FANCI: variants seen among roughly 807,000 people sequenced by gnomAD.
The protein encoded by FANCI is Fanconi anemia group I protein.
FANCI carries 156 observed loss-of-function variants against 176.1 expected under a neutral mutation model. The ratio of observed to expected loss-of-function variants is 0.89; its 90% CI spans 0.78 to 1.01. The LOEUF is 1.01. Ranked by LOEUF, FANCI falls within the 50% of genes least tolerant of loss-of-function variation. The probability of loss-of-function intolerance (pLI) is 0.00; values close to 1 mark genes in which losing one functional copy is unlikely to be tolerated. For synonymous variants in FANCI, 613 were observed against 541.7 expected, an observed-to-expected ratio of 1.13 and a Z score of -1.83; for missense variants, 1,678 against 1,534.1, an observed-to-expected ratio of 1.09 and a Z score of -1.57.
At chr15:89,317,220 C>G (rs2055301061), downstream of FANCI, 14 of 689,736 alleles carry the variant, frequency 2.0e-5, no homozygotes, top group Non-Finnish European at 3.4e-5. Flanking sequence ...CACATTCACT[C>G]TGGACACAGG....
intron 35 of FANCI, among the ~76,000 whole-genome samples, chr15:89,314,141 CCA>C (rs1176202379): frequency 1.4e-4 from 9 of 63,300 alleles, no homozygotes; most frequent in African/African-American, 2.0e-4. Context: ...AAACGTAGGA[CCA>C]CACACAAAAA....
At chr15:89,268,597 C>T in intron 10 of FANCI, 72 bp downstream of exon 10, 2 of 1,566,466 alleles carry the variant, frequency 1.3e-6, no homozygotes, top group Non-Finnish European at 8.8e-7. Flanking sequence ...CACTGTTATG[C>T]CAGTTAATGA....
intron 34 of FANCI, among the ~76,000 whole-genome samples, chr15:89,310,143 CTT>C (rs1256108335): frequency 1.3e-5 from 2 of 152,196 alleles, no homozygotes; most frequent in Non-Finnish European, 2.9e-5. Context: ...AATTGGCACA[CTT>C]TTTCTGTAAA....
At chr15:89,264,698 G>A (rs1310919790) in intron 9 of FANCI, 91 bp downstream of exon 9, 10 of 1,167,710 alleles carry the variant, frequency 8.6e-6, no homozygotes, top group East Asian at 5.2e-5. Context: ...CTCTCTCACC[G>A]CCTACCTTCA....
At chr15:89,264,409 A>G (rs373703841) in intron 8 of FANCI, 113 bp from the exon 9 acceptor site, 22 of 844,886 alleles carry the variant, frequency 2.6e-5, no homozygotes, top group Non-Finnish European at 9.9e-6. Context: ...TAAGTCATAG[A>G]TTATTTATTT....
chr15:89,250,079 C>T (rs1020791189), intron 2 of FANCI, among the ~76,000 whole-genome samples: 5 of 152,138 alleles, frequency 3.3e-5, no homozygotes, highest in Non-Finnish European at 7.4e-5. Context: ...AAAGCAAAGA[C>T]ACTTTTACTT....
chr15:89,290,449 A>T (rs1354495520), intron 19 of FANCI, 168 bp downstream of exon 19: 4 of 629,630 alleles, frequency 6.4e-6, no homozygotes, highest in Admixed American at 2.4e-5. Flanking sequence ...TATCTCGGTC[A>T]CCACTTACCT....
chr15:89,314,003 A>AC (rs61336245), intron 35 of FANCI, among the ~76,000 whole-genome samples: 3 of 150,810 alleles, frequency 2.0e-5, no homozygotes, highest in East Asian at 1.9e-4. Flanking sequence ...ACACACACAC[A>AC]AATGTAGGAC....
intron 2 of FANCI, among the ~76,000 whole-genome samples, chr15:89,257,706 G>T (rs987461209): frequency 6.6e-6 from 1 of 152,128 alleles, no homozygotes; most frequent in Non-Finnish European, 1.5e-5. Flanking sequence ...AATACTGGGG[G>T]TTAGAGCTTC....
At chr15:89,299,151 CAG>C (rs1160153824) in intron 24 of FANCI, among the ~76,000 whole-genome samples, 9 of 141,702 alleles carry the variant, frequency 6.4e-5, no homozygotes, top group Admixed American at 5.8e-4. Context: ...GCCTGGGTGA[CAG>C]AGTGAGACTC....
intron 24 of FANCI, among the ~76,000 whole-genome samples, chr15:89,295,481 C>G (rs2054223099): frequency 6.6e-6 from 1 of 151,762 alleles, no homozygotes; most frequent in African/African-American, 2.4e-5. Flanking sequence ...GTCTGACCAA[C>G]ATGGAGAAAC....
At chr15:89,283,372 G>A in intron 17 of FANCI, 122 bp downstream of exon 17, 1 of 1,380,182 alleles carries the variant, frequency 7.2e-7, no homozygotes, top group East Asian at 2.4e-5. Flanking sequence ...TAAAGAGTCT[G>A]ATGATGATGA....
intron 10 of FANCI, 155 bp downstream of exon 10, chr15:89,268,680 A>G (rs2053076483): frequency 1.2e-6 from 1 of 864,162 alleles, no homozygotes; most frequent in Non-Finnish European, 1.8e-6. Flanking sequence ...AAAAGTGGAA[A>G]ATACATGATG....
chr15:89,247,645 A>G lies in FANCI; in HGVS notation c.-3A>G. The G allele has an allele frequency of 1.2e-6, 2 of 1,613,740 alleles. No homozygotes were observed. The highest frequency in any genetic ancestry group is 1.7e-6 in the Non-Finnish European group (2 of 1,179,690). On this transcript the variant is annotated 5_prime_UTR_variant, in exon 2 of 38. Coordinates refer to ENST00000310775, the MANE Select transcript of FANCI (RefSeq NM_001113378.2). ...CCCTTGTAGTTCTGTGATATGAGCA[A>G]CAATGGACCAGAAGATTTTATCTCT...
At chr15:89,297,678 T>C (rs1031454998) in intron 24 of FANCI, among the ~76,000 whole-genome samples, 1 of 148,140 alleles carries the variant, frequency 6.8e-6, no homozygotes, top group Non-Finnish European at 1.5e-5. Flanking sequence ...GCAGGGAGGT[T>C]GCAGTGAGCC....
chr15:89,266,865 C>T (rs2052984388), intron 9 of FANCI, among the ~76,000 whole-genome samples: 1 of 151,290 alleles, frequency 6.6e-6, no homozygotes. Context: ...TTTTAATTAG[C>T]TCACTTTTGA....
chr15:89,308,520 A>G (rs1435167415), intron 34 of FANCI, among the ~76,000 whole-genome samples: 2 of 152,324 alleles, frequency 1.3e-5, no homozygotes, highest in South Asian at 2.1e-4. Context: ...TATTAAAGCA[A>G]TGGATCGTGA....
intron 3 of FANCI, 88 bp from the exon 4 acceptor site, chr15:89,260,625 T>C: frequency 6.5e-7 from 1 of 1,530,620 alleles, no homozygotes; most frequent in South Asian, 1.1e-5. Context: ...TCTGTTTTTT[T>C]GTATTTAACT....
intron 14 of FANCI, among the ~76,000 whole-genome samples, chr15:89,280,522 C>T (rs1292571628): frequency 6.6e-6 from 1 of 152,106 alleles, no homozygotes; most frequent in Non-Finnish European, 1.5e-5. Flanking sequence ...GTAGGCCTTT[C>T]TGGTGCTTTG....
Sources: gnomAD v4.1 joint callset for allele counts (sites outside exome capture counted in the v4.1 genomes callset) on GRCh38, gnomAD v4.1.1 for gene constraint, MANE v1.5 for transcripts, NCBI Gene and HGNC (gene_info 2026-07-23, HGNC 2026-07-21) for gene names.